The following CRYBG1 variants were observed in gnomAD, a reference collection of about 807,000 sequenced individuals.
CRYBG1 encodes crystallin beta-gamma domain containing 1.
CRYBG1 carries 139 observed loss-of-function variants against 189.2 expected under a neutral mutation model. The observed-to-expected ratio is 0.73, with a 90% CI of 0.64 to 0.85. CRYBG1 has a LOEUF of 0.85. CRYBG1 is among the 40% of genes least tolerant of loss of function. The pLI is 0.00. For missense variants in CRYBG1, 2,611 were observed against 2,675.8 expected (o/e 0.98, Z 0.53); for synonymous variants, 1,023 against 1,017.1 (o/e 1.01, Z -0.11).
At chr6:106,408,194 A>G (rs765955336) in intron 1 of CRYBG1, among the ~76,000 whole-genome samples, 3 of 152,216 alleles carry the variant, frequency 2.0e-5, no homozygotes, top group Non-Finnish European at 2.9e-5. Context: ...AAGGGGTATC[A>G]TCACTGATCC....
intron 1 of CRYBG1, among the ~76,000 whole-genome samples, chr6:106,384,222 G>A (rs1770341499): frequency 6.6e-6 from 1 of 152,146 alleles, no homozygotes; most frequent in Non-Finnish European, 1.5e-5. Context: ...CTGGCTTTCT[G>A]GGGACTTCCC....
At chr6:106,375,602 G>T (rs17066928) in intron 1 of CRYBG1, among the ~76,000 whole-genome samples, 4,820 of 152,236 alleles carry the variant, frequency 0.032, 179 homozygotes, top group East Asian at 0.16. Context: ...CCTTAAAGAG[G>T]CTCAGTTGGT....
intron 1 of CRYBG1, among the ~76,000 whole-genome samples, chr6:106,380,793 G>C (rs537233169): frequency 6.6e-6 from 1 of 152,154 alleles, no homozygotes; most frequent in African/African-American, 2.4e-5. Flanking sequence ...TTACAGGAAA[G>C]TTTGTCATGT....
Position 106,561,372 on chromosome 6 carries a change from G to T in CRYBG1, c.6010G>T (p.Ala2004Ser). 2 of 1,614,086 alleles carry T rather than the reference G, an allele frequency of 1.2e-6. No individual in the cohort carries two copies. The highest frequency in any genetic ancestry group is 1.1e-5 in the South Asian group (1 of 91,076). The change falls in exon 20 of 22, where the codon GCA becomes TCA. Residue 2004 changes from alanine (A) to serine (S), a missense_variant. Transcript: ENST00000633556. ...KRIYFRLRNK[A>S]TGLFMSTNGN... ...AATTTATTTCAGACTTCGAAACAAAGCAACAGGGTTATTCATGTCAACCAA... is the reference window on the plus strand; with the variant it reads ...AATTTATTTCAGACTTCGAAACAAATCAACAGGGTTATTCATGTCAACCAA...
intron 1 of CRYBG1, among the ~76,000 whole-genome samples, chr6:106,386,881 G>A (rs1302358716): frequency 6.6e-6 from 1 of 152,176 alleles, no homozygotes; most frequent in Non-Finnish European, 1.5e-5. Flanking sequence ...CAGGATTTGG[G>A]ACCCCTGCTC....
chr6:106,417,109 C>T lies in CRYBG1; in HGVS notation c.174-34585C>T, dbSNP rs773437700. Among the ~76,000 whole-genome samples, 176 of 148,520 alleles carry T rather than the reference C, an allele frequency of 1.2e-3. 1 individual carries two copies. Among genetic ancestry groups the T allele is most frequent in the Non-Finnish European group, 5.6e-4 (38 of 67,426 alleles). ...CACTCTTGACCTCCCAGGCTCAATC[C>T]TCCTGCCTCAGCCTCCTGAGTAGCT... is the stretch of plus-strand genomic sequence containing the variant. On this transcript the variant is annotated intron_variant, in intron 1 of 21. Coordinates refer to ENST00000633556, the MANE Select transcript of CRYBG1 (RefSeq NM_001371242.2).
At chr6:106,489,183 A>G (rs1398099334) in intron 2 of CRYBG1, among the ~76,000 whole-genome samples, 6 of 152,126 alleles carry the variant, frequency 3.9e-5, no homozygotes, top group Non-Finnish European at 7.4e-5. Flanking sequence ...TCCCCTTTCT[A>G]TGGAGTGAGC....
At chr6:106,397,016 T>C (rs1159434721) in intron 1 of CRYBG1, among the ~76,000 whole-genome samples, 1 of 152,228 alleles carries the variant, frequency 6.6e-6, no homozygotes, top group Non-Finnish European at 1.5e-5. Flanking sequence ...CGTCATGGTA[T>C]GTAGAGACAT....
chr6:106,470,325 A>C (rs1053528322), intron 2 of CRYBG1, among the ~76,000 whole-genome samples: 4 of 152,160 alleles, frequency 2.6e-5, no homozygotes, highest in Non-Finnish European at 5.9e-5. Context: ...ACCTTGTCTC[A>C]AAACAAAACA....
chr6:106,426,304 C>A (rs1024803557), intron 1 of CRYBG1, among the ~76,000 whole-genome samples: 1 of 152,166 alleles, frequency 6.6e-6, no homozygotes, highest in African/African-American at 2.4e-5. Flanking sequence ...CCTTTCTCTA[C>A]TGGGGCATTC....
intron 1 of CRYBG1, among the ~76,000 whole-genome samples, chr6:106,407,687 A>G (rs533578128): frequency 1.1e-3 from 162 of 152,336 alleles, no homozygotes; most frequent in African/African-American, 3.8e-3. Context: ...CTCTCAGACC[A>G]CAGTGCAAGT....
At chr6:106,374,541 G>A (rs1770108372) in intron 1 of CRYBG1, among the ~76,000 whole-genome samples, 2 of 152,164 alleles carry the variant, frequency 1.3e-5, no homozygotes, top group South Asian at 4.1e-4. Context: ...CTGGGCAACA[G>A]AGCAAGACGT....
chr6:106,463,511 CA>C (rs1418383523), intron 2 of CRYBG1, among the ~76,000 whole-genome samples: 2 of 152,156 alleles, frequency 1.3e-5, no homozygotes, highest in African/African-American at 2.4e-5. Flanking sequence ...TGCTGATTAT[CA>C]TATAACCCAT....
At chr6:106,419,753 C>A (rs1771090499) in intron 1 of CRYBG1, among the ~76,000 whole-genome samples, 1 of 152,174 alleles carries the variant, frequency 6.6e-6, no homozygotes, top group South Asian at 2.1e-4. Context: ...TCTATTATGC[C>A]ACTCACTCAA....
chr6:106,467,735 T>A (rs968908060), intron 2 of CRYBG1, among the ~76,000 whole-genome samples: 2 of 152,006 alleles, frequency 1.3e-5, no homozygotes, highest in African/African-American at 4.8e-5. Context: ...TAAATTAACA[T>A]CAAAATTTAT....
intron 1 of CRYBG1, among the ~76,000 whole-genome samples, chr6:106,382,404 A>G (rs980641556): frequency 2.0e-5 from 3 of 152,224 alleles, no homozygotes; most frequent in Admixed American, 1.3e-4. Context: ...ATTAGGTTTT[A>G]TGGGAAATCA....
At chr6:106,433,303 T>G (rs1771371292) in intron 1 of CRYBG1, among the ~76,000 whole-genome samples, 1 of 152,148 alleles carries the variant, frequency 6.6e-6, no homozygotes, top group Non-Finnish European at 1.5e-5. Context: ...TATAAGACAA[T>G]CTTCATACTG....
At chr6:106,409,144 T>A (rs1197926600) in intron 1 of CRYBG1, among the ~76,000 whole-genome samples, 1 of 152,168 alleles carries the variant, frequency 6.6e-6, no homozygotes, top group Non-Finnish European at 1.5e-5. Context: ...AGCCCAAAAA[T>A]CTTTTTAAGC....
chr6:106,512,051 G>A lies in CRYBG1; in HGVS notation c.934G>A (p.Ala312Thr). ...GCGGCCCGCGGGAGGACTAGGCGAG[G>A]CCCCTAACGGAGCCCCCAGTGTGTG... ...QERPAGGLGE[A>T]PNGAPSVCAE... The change falls in exon 3 of 22, where the codon GCC (alanine) becomes ACC (threonine). Residue 312 changes from alanine (A) to threonine (T), a missense_variant. Around this residue, in one of 3 missense-constraint regions of CRYBG1, gnomAD observed 985 missense variants for 924.4 expected, o/e 1.07. Transcript: ENST00000633556. 1.3e-6 allele frequency: 2 copies of A among 1,532,574 alleles called. No individual in the cohort carries two copies. Among genetic ancestry groups the A allele is most frequent in the African/African-American group, 1.4e-5 (1 of 73,070 alleles). The allele number at this position is 1,532,574 out of a possible 1,614,324, so 94.9% of individuals were successfully genotyped here.
Sources: allele counts gnomAD v4.1 joint callset (sites outside exome capture counted in the v4.1 genomes callset), GRCh38; gene constraint gnomAD v4.1.1; regional missense constraint gnomAD v4.1.1; transcripts MANE v1.5; gene names NCBI Gene and HGNC (gene_info 2026-07-23, HGNC 2026-07-21).